Variants in MLXIP observed in about 807,000 individuals in gnomAD.
MLXIP encodes MLX-interacting protein.
A neutral mutation model predicts 87.2 loss-of-function variants in MLXIP; 30 were observed. The observed-to-expected ratio is 0.34, with a 90% CI of 0.26 to 0.47. The LOEUF is 0.47. Ranked by LOEUF, MLXIP falls within the 20% of genes least tolerant of loss-of-function variation. The pLI, the probability that MLXIP is intolerant of heterozygous loss-of-function variation, is 1.00. For missense variants in MLXIP, 1,002 were observed against 1,240.1 expected, an observed-to-expected ratio of 0.81 and a Z score of 2.88; for synonymous variants, 530 against 514.0, an observed-to-expected ratio of 1.03 and a Z score of -0.42.
intron 1 of MLXIP, among the ~76,000 whole-genome samples, chr12:122,095,326 C>A (rs1322357796): frequency 6.6e-6 from 1 of 151,778 alleles, no homozygotes; most frequent in Non-Finnish European, 1.5e-5. Flanking sequence ...AGTACACACT[C>A]ACACATGCAC....
In MLXIP at chr12:122,141,739, C is replaced by G; in HGVS notation, c.2687C>G (p.Thr896Arg). 1 of 1,613,896 alleles carries G rather than the reference C, an allele frequency of 6.2e-7. No individual in the cohort carries two copies. Among genetic ancestry groups the G allele is most frequent in the Non-Finnish European group, 8.5e-7 (1 of 1,179,894 alleles). The stretch of plus-strand genomic sequence containing the variant: ...CTGAGCACCTCCACCTCCATCCTCA[C>G]AGACCCGGCACAGCTGCCAGAGCAG... ...RQLSTSTSIL[T>R]DPAQLPEQAS... Residue 896 changes from threonine (T) to arginine (R), a missense_variant, in exon 17 of 17, where the codon ACA (threonine) becomes AGA (arginine). Transcript: ENST00000319080.
At chr12:122,134,044 C>G (rs752740551) in intron 9 of MLXIP, 57 bp downstream of exon 9, 2 of 1,513,366 alleles carry the variant, frequency 1.3e-6, no homozygotes, top group South Asian at 2.5e-5. Flanking sequence ...GGGATGTTTT[C>G]CCATCCCAAA....
In MLXIP at chr12:122,129,568, T is replaced by C. The variant is rs1565982096; in HGVS notation, c.697-20T>C. On this transcript the variant is annotated intron_variant, in intron 4 of 16. Transcript: ENST00000319080. ...CCTAGGGCCATTGGTGACCGCCGTG[T>C]CCTGTCCCTTTGCCCACAGCTACAG... 1 of 1,613,150 alleles carries C rather than the reference T, an allele frequency of 6.2e-7. No individual in the cohort carries two copies.
In MLXIP at chr12:122,121,008, TG is replaced by T. The variant is rs200677020; in HGVS notation, c.414-6246del. 7.6e-4 allele frequency among the ~76,000 whole-genome samples: 68 copies of T among 89,678 alleles called. 4 individuals are homozygous for T. Among genetic ancestry groups the T allele is most frequent in the Admixed American group, 2.7e-3 (24 of 8,778 alleles). 58.8% of individuals were successfully genotyped at this position (89,678 alleles called of 152,430 possible). On this transcript the variant is annotated intron_variant, in intron 1 of 16. Coordinates refer to ENST00000319080, the MANE Select transcript of MLXIP (RefSeq NM_014938.6). ...ATAGCCCCAGAGCCCTCTGCATGCT[TG>T]GTTTTTTTTTTTTTTTTTTGAAACG...
intron 1 of MLXIP, among the ~76,000 whole-genome samples, chr12:122,080,184 G>T (rs1172086444): frequency 6.6e-6 from 1 of 152,078 alleles, no homozygotes; most frequent in African/African-American, 2.4e-5. Context: ...TTTTGTCTGC[G>T]CAACAGAACT....
At position 122,135,260 on chromosome 12, in the gene MLXIP, C is replaced by T. The variant is rs779382694; in HGVS notation, c.1769C>T (p.Thr590Met). The T allele has an allele frequency of 9.9e-6, 16 of 1,613,602 alleles. No homozygotes were observed. In the South Asian group the frequency reaches 1.1e-4, roughly 11 times the overall value. ...FSGQPQAVIM[T>M]SGPLKREGML... ...GGCCAACCACAAGCGGTGATCATGACGTCAGGGCCTCTGAAGAGAGAAGGG... is the reference window on the plus strand; with the variant it reads ...GGCCAACCACAAGCGGTGATCATGATGTCAGGGCCTCTGAAGAGAGAAGGG... Residue 590 changes from threonine (T) to methionine (M), a missense_variant, in exon 10 of 17, where the codon ACG becomes ATG. Thr to Met is a moderately conservative substitution (Grantham distance 81). Around this residue, in one of 3 missense-constraint regions of MLXIP, gnomAD observed 746 missense variants for 897.0 expected, o/e 0.83. Coordinates refer to ENST00000319080, the MANE Select transcript of MLXIP (RefSeq NM_014938.6). This position sits in a 1 kb window ranked among gnomAD's most constrained non-coding sequence, Gnocchi z 5.3.
At chr12:122,115,416 C>T (rs139890016) in intron 1 of MLXIP, among the ~76,000 whole-genome samples, 1,712 of 150,958 alleles carry the variant, frequency 0.011, 27 homozygotes, top group African/African-American at 0.039. Context: ...GGTGAAACCC[C>T]GTCTCTACTA....
At chr12:122,112,661 A>G (rs1263552212) in intron 1 of MLXIP, among the ~76,000 whole-genome samples, 2 of 151,840 alleles carry the variant, frequency 1.3e-5, no homozygotes, top group African/African-American at 4.8e-5. Context: ...AAAAAAAAAA[A>G]TGTGTGTACA....
intron 1 of MLXIP, among the ~76,000 whole-genome samples, chr12:122,080,803 C>T (rs977316076): frequency 3.3e-5 from 5 of 152,246 alleles, no homozygotes; most frequent in African/African-American, 1.2e-4. Flanking sequence ...TCAAACCCGA[C>T]TGGATCGCAG....
chr12:122,079,524 A>T (rs1339805238), intron 1 of MLXIP, among the ~76,000 whole-genome samples: 6 of 152,072 alleles, frequency 3.9e-5, no homozygotes, highest in Non-Finnish European at 5.9e-5. Flanking sequence ...GTGTCCTGGG[A>T]CCACCGATGT....
At chr12:122,138,345 C>G in intron 13 of MLXIP, 50 bp downstream of exon 13, 1 of 1,609,612 alleles carries the variant, frequency 6.2e-7, no homozygotes, top group Non-Finnish European at 8.5e-7. Context: ...GCTGGCAGGA[C>G]GTGCTCCCTG....
At chr12:122,131,227 AGTT>A (rs1952972012) in intron 7 of MLXIP, among the ~76,000 whole-genome samples, 1 of 152,082 alleles carries the variant, frequency 6.6e-6, no homozygotes, top group African/African-American at 2.4e-5. Flanking sequence ...AAGGCCCTGC[AGTT>A]AGATGGGTCC....
chr12:122,132,480 C>A, intron 8 of MLXIP, 97 bp downstream of exon 8: 1 of 938,068 alleles, frequency 1.1e-6, no homozygotes, highest in Non-Finnish European at 1.7e-6. Context: ...GGCATAGCCA[C>A]ACAGTCACCA....
In MLXIP at chr12:122,137,364, G is replaced by A. The variant is rs1953111393; in HGVS notation, c.2033-105G>A. The stretch of plus-strand genomic sequence containing the variant: ...CAGTTGAAAGAACCAAGTGCAATAC[G>A]TGGCTAGCAGCGAGCACCTCATAAC... On this transcript the variant is annotated intron_variant, in intron 11 of 16. Transcript: ENST00000319080. This position sits in a 1 kb window ranked among gnomAD's most constrained non-coding sequence, Gnocchi z 4.1. 3 of 1,281,270 alleles carry A rather than the reference G, an allele frequency of 2.3e-6. No homozygotes were observed. Among genetic ancestry groups the A allele is most frequent in the Admixed American group, 5.8e-5 (2 of 34,540 alleles). The allele number at this position is 1,281,270 out of a possible 1,614,324, so 79.4% of individuals were successfully genotyped here.
intron 5 of MLXIP, 119 bp downstream of exon 5, chr12:122,129,748 G>A: frequency 4.3e-6 from 6 of 1,401,562 alleles, no homozygotes; most frequent in Non-Finnish European, 5.9e-6. Context: ...TGGAGTCTCA[G>A]GAATGGCTCA....
chr12:122,100,150 C>T (rs1027891384), intron 1 of MLXIP, among the ~76,000 whole-genome samples: 3 of 152,070 alleles, frequency 2.0e-5, no homozygotes, highest in African/African-American at 7.2e-5. Flanking sequence ...GATGAAATGA[C>T]CTTATCTACA....
chr12:122,079,824 C>T (rs1397004669), intron 1 of MLXIP, among the ~76,000 whole-genome samples: 1 of 152,200 alleles, frequency 6.6e-6, no homozygotes, highest in Non-Finnish European at 1.5e-5. Context: ...GTTAGGTGTC[C>T]CTGCACCTGG....
chr12:122,112,573 G>A (rs1952620870), intron 1 of MLXIP, among the ~76,000 whole-genome samples: 1 of 152,114 alleles, frequency 6.6e-6, no homozygotes, highest in Admixed American at 6.5e-5. Context: ...CCTGAACCCA[G>A]GAGGCAGAGC....
intron 1 of MLXIP, among the ~76,000 whole-genome samples, chr12:122,089,009 CAAAAAAAAAAAA>C (rs1177216284): frequency 4.2e-5 from 2 of 47,838 alleles, no homozygotes; most frequent in Non-Finnish European, 5.1e-5. Flanking sequence ...CCCATCTCTA[CAAAAAAAAAAAA>C]AAAAAAAAAA....
Sources: gnomAD v4.1 joint callset for allele counts (sites outside exome capture counted in the v4.1 genomes callset) on GRCh38, gnomAD v4.1.1 for gene constraint, gnomAD v4.1.1 regional missense constraint, Gnocchi (gnomAD v3.1) non-coding constraint, MANE v1.5 for transcripts, NCBI Gene and HGNC (gene_info 2026-07-23, HGNC 2026-07-21) for gene names.